The following PDIA6 variants were observed in gnomAD, a reference collection of about 807,000 sequenced individuals.
PDIA6 encodes protein disulfide isomerase family A member 6, also known as protein disulfide-isomerase A6.
In PDIA6, 29 loss-of-function variants were observed where a neutral mutation model predicts 58.4. That is an observed-to-expected ratio of 0.50 (90% CI 0.37 to 0.68). The LOEUF (loss-of-function observed/expected upper bound fraction) is 0.68. PDIA6 is among the 30% of genes least tolerant of loss of function. The pLI, the probability that PDIA6 is intolerant of heterozygous loss-of-function variation, is 0.00. For synonymous variants in PDIA6, 192 were observed against 202.6 expected (o/e 0.95, Z 0.44); for missense variants, 480 against 551.0 (o/e 0.87, Z 1.29).
intron 2 of PDIA6, among the ~76,000 whole-genome samples, chr2:10,800,185 G>GC (rs1666443779): frequency 6.6e-6 from 1 of 152,126 alleles, no homozygotes; most frequent in African/African-American, 2.4e-5. Context: ...CAGAATTATT[G>GC]CAGCTGTCAA....
chr2:10,830,612 A>C (rs183552977), intron 1 of PDIA6, among the ~76,000 whole-genome samples: 91 of 152,310 alleles, frequency 6.0e-4, no homozygotes, highest in African/African-American at 2.1e-3. Flanking sequence ...AAAATCCAAA[A>C]CCCAGCCCAT....
In PDIA6 at chr2:10,788,692, C is replaced by T; in HGVS notation, c.998+5G>A. On this transcript the variant is annotated splice_donor_5th_base_variant and intron_variant, in intron 10 of 12. Coordinates refer to ENST00000272227, the MANE Select transcript of PDIA6 (RefSeq NM_005742.4). Reference sequence around the variant, plus strand: ...GACACTCAGACAGTAAGCTCAGTAACTTACCCCCACATTTTCTTTTTGTAT... The same window carrying T: ...GACACTCAGACAGTAAGCTCAGTAATTTACCCCCACATTTTCTTTTTGTAT... 6.2e-7 allele frequency: 1 copy of T among 1,601,624 alleles called. No homozygotes were observed. The highest frequency in any genetic ancestry group is 8.6e-7 in the Non-Finnish European group (1 of 1,168,560).
chr2:10,820,420 A>G (rs1158341154), intron 1 of PDIA6, among the ~76,000 whole-genome samples: 1 of 152,016 alleles, frequency 6.6e-6, no homozygotes, highest in African/African-American at 2.4e-5. Flanking sequence ...CATGTTGCCC[A>G]TTTCTTTTTT....
Position 10,806,628 on chromosome 2 carries a change from C to CGAAAGAAAGAAAGAAAGAAAGAAAGAA in PDIA6, c.20-3989_20-3988insTTCTTTCTTTCTTTCTTTCTTTCTTTC, listed in dbSNP as rs1553339930. On this transcript the variant is annotated intron_variant, in intron 1 of 12. Coordinates refer to ENST00000272227, the MANE Select transcript of PDIA6 (RefSeq NM_005742.4). ...AACCACATCTCCTAAAAAATAAAGA[C>CGAAAGAAAGAAAGAAAGAAAGAAAGAA]AGAAAGAAAGAAAGAAAGAAAAACG... Among the ~76,000 whole-genome samples the CGAAAGAAAGAAAGAAAGAAAGAAAGAA allele has an allele frequency of 1.3e-4, 9 of 70,416 alleles. 1 individual carries two copies. Among genetic ancestry groups the CGAAAGAAAGAAAGAAAGAAAGAAAGAA allele is most frequent in the East Asian group, 4.5e-4 (1 of 2,212 alleles). 46.2% of individuals were successfully genotyped at this position (70,416 alleles called of 152,430 possible). A position where few individuals can be genotyped will look rare whatever the true frequency, so the allele number is the denominator to read the frequency against.
chr2:10,819,634 A>G (rs915525403), intron 1 of PDIA6, among the ~76,000 whole-genome samples: 2 of 152,184 alleles, frequency 1.3e-5, no homozygotes, highest in African/African-American at 2.4e-5. Flanking sequence ...TTGATTTCCA[A>G]CCCAGGGCCT....
At chr2:10,807,758 C>A (rs557358827) in intron 1 of PDIA6, among the ~76,000 whole-genome samples, 1 of 152,292 alleles carries the variant, frequency 6.6e-6, no homozygotes, top group African/African-American at 2.4e-5. Context: ...CACCATTGTT[C>A]ATTGTTTTAC....
In PDIA6 at chr2:10,812,669, C is replaced by G. The variant is rs1349139517; in HGVS notation, c.19+9G>C. 1.3e-6 allele frequency: 2 copies of G among 1,533,574 alleles called. No homozygotes were observed. Among genetic ancestry groups the G allele is most frequent in the Non-Finnish European group, 1.8e-6 (2 of 1,142,282 alleles). The allele number at this position is 1,533,574 out of a possible 1,614,324, so 95.0% of individuals were successfully genotyped here. Reference sequence around the variant, plus strand: ...GCTCGCCCGCCTCCCTCCGCTGGCCCGCACCTACCGAGCACCAGGAGAGCC... The same window carrying G: ...GCTCGCCCGCCTCCCTCCGCTGGCCGGCACCTACCGAGCACCAGGAGAGCC... On this transcript the variant is annotated intron_variant, in intron 1 of 12. Transcript: ENST00000272227.
At position 10,789,654 on chromosome 2, in the gene PDIA6, A is replaced by T. The variant is rs1251086500; in HGVS notation, c.840+95T>A. 3.6e-6 allele frequency: 4 copies of T among 1,118,816 alleles called. No individual in the cohort carries two copies. The Admixed American group carries it at 6.8e-5, about 19-fold the overall frequency. The allele number at this position is 1,118,816 out of a possible 1,614,324, so 69.3% of individuals were successfully genotyped here. A position where few individuals can be genotyped will look rare whatever the true frequency, so the allele number is the denominator to read the frequency against. On this transcript the variant is annotated intron_variant, in intron 8 of 12. Transcript: ENST00000272227. Reference sequence around the variant, plus strand: ...AAACCACTTTAAAGAGAGTATCTTTAAGGGCATAAAATGAACAGTGTGTCA... The same window carrying T: ...AAACCACTTTAAAGAGAGTATCTTTTAGGGCATAAAATGAACAGTGTGTCA...
intron 1 of PDIA6, among the ~76,000 whole-genome samples, chr2:10,808,691 A>G (rs1281336957): frequency 1.3e-5 from 2 of 152,192 alleles, no homozygotes; most frequent in Non-Finnish European, 2.9e-5. Flanking sequence ...AGGCTAACCA[A>G]AGCGGGGCTG....
intron 8 of PDIA6, 146 bp downstream of exon 8, chr2:10,789,603 G>C: frequency 3.1e-6 from 2 of 647,578 alleles, no homozygotes; most frequent in Non-Finnish European, 5.1e-6. Context: ...CAATTTATCA[G>C]ACTTTTTTTC....
intron 1 of PDIA6, among the ~76,000 whole-genome samples, chr2:10,825,552 G>A (rs981472885): frequency 6.6e-6 from 1 of 152,038 alleles, no homozygotes; most frequent in African/African-American, 2.4e-5. Flanking sequence ...ACACAGTGTG[G>A]GATAAAATAT....
At chr2:10,819,486 A>G (rs962933553) in intron 1 of PDIA6, 2 of 606,790 alleles carry the variant, frequency 3.3e-6, no homozygotes, top group African/African-American at 3.7e-5. Flanking sequence ...ATCAACGAAA[A>G]GTTATAGTGC....
intron 1 of PDIA6, 122 bp downstream of exon 1, chr2:10,812,555 TC>T (rs1667047288): frequency 3.0e-6 from 3 of 1,009,818 alleles, no homozygotes; most frequent in South Asian, 4.6e-5. Context: ...GGCCCGCGCC[TC>T]CCGCCCGCCA....
At chr2:10,828,733 A>G (rs1335576844) in intron 1 of PDIA6, among the ~76,000 whole-genome samples, 3 of 152,224 alleles carry the variant, frequency 2.0e-5, no homozygotes, top group South Asian at 4.1e-4. Flanking sequence ...AACACCTCTG[A>G]GAATTTGGGG....
At chr2:10,792,956 C>T (rs185773161) in intron 5 of PDIA6, 140 bp downstream of exon 5, 13 of 647,340 alleles carry the variant, frequency 2.0e-5, no homozygotes, top group East Asian at 2.0e-4. Context: ...CCTCTGGGAT[C>T]GGTGGATCCA....
intron 6 of PDIA6, 95 bp downstream of exon 6, chr2:10,791,700 G>C (rs116455797): frequency 1.8e-6 from 2 of 1,098,962 alleles, no homozygotes; most frequent in Non-Finnish European, 2.6e-6. Flanking sequence ...AGATCTTAGT[G>C]GTGATCTATT....
chr2:10,837,118 A>G (rs1667845554), upstream of PDIA6, among the ~76,000 whole-genome samples: 1 of 152,166 alleles, frequency 6.6e-6, no homozygotes, highest in Admixed American at 6.5e-5. Flanking sequence ...CAGCAGGATC[A>G]AGGAGCTGGC....
intron 2 of PDIA6, among the ~76,000 whole-genome samples, chr2:10,801,820 T>C: frequency 6.6e-6 from 1 of 152,202 alleles, no homozygotes; most frequent in East Asian, 1.9e-4. Context: ...GGTTCTAATA[T>C]CCCTCACTTA....
chr2:10,792,845 C>T (rs1198222761), intron 5 of PDIA6, among the ~76,000 whole-genome samples: 1 of 152,174 alleles, frequency 6.6e-6, no homozygotes, highest in Admixed American at 6.5e-5. Flanking sequence ...GCTCCTGGGC[C>T]TGGTACTTGG....
Sources: allele counts gnomAD v4.1 joint callset (sites outside exome capture counted in the v4.1 genomes callset), GRCh38; gene constraint gnomAD v4.1.1; transcripts MANE v1.5; gene names NCBI Gene and HGNC (gene_info 2026-07-23, HGNC 2026-07-21).